Variants in GRIA3 observed in about 807,000 individuals in gnomAD.
The protein encoded by GRIA3 is glutamate ionotropic receptor AMPA type subunit 3.
GRIA3 carries 3 observed loss-of-function variants against 63.0 expected under a neutral mutation model. The observed-to-expected ratio is 0.05, with a 90% CI of 0.02 to 0.12. The LOEUF is 0.12. Among genes scored for constraint, GRIA3 ranks in the 10% least tolerant of loss-of-function variants. The pLI, the probability that GRIA3 is intolerant of heterozygous loss-of-function variation, is 1.00. For synonymous variants in GRIA3, 274 were observed against 257.9 expected, an observed-to-expected ratio of 1.06 and a Z score of -0.60; for missense variants, 347 against 700.9, an observed-to-expected ratio of 0.50 and a Z score of 5.70.
chrX:123,453,054 G>C (rs2045741870), intron 12 of GRIA3, among the ~76,000 whole-genome samples: 1 of 112,053 alleles, frequency 8.9e-6, no homozygotes, highest in Admixed American at 9.4e-5. Context: ...TATACCCAAA[G>C]GATTATAAAT....
intron 12 of GRIA3, among the ~76,000 whole-genome samples, chrX:123,442,123 G>A (rs1193161316): frequency 8.9e-6 from 1 of 112,255 alleles, no homozygotes; most frequent in African/African-American, 3.2e-5. Flanking sequence ...ACACTTTCAC[G>A]AAGGACACTT....
chrX:123,391,730 G>A (rs1461731175), intron 5 of GRIA3, among the ~76,000 whole-genome samples: 1 of 112,094 alleles, frequency 8.9e-6, no homozygotes, highest in Non-Finnish European at 1.9e-5. Flanking sequence ...GGCAATGGTT[G>A]TAGCAGAGGC....
intron 1 of GRIA3, chrX:123,185,012 T>C: frequency 2.9e-6 from 1 of 348,911 alleles, no homozygotes; most frequent in Non-Finnish European, 5.5e-6. Flanking sequence ...TGCGTGCAGC[T>C]CCTGGAAGTT....
At chrX:123,453,250 T>A (rs1371854230) in intron 12 of GRIA3, among the ~76,000 whole-genome samples, 1 of 111,165 alleles carries the variant, frequency 9.0e-6, no homozygotes, top group Non-Finnish European at 1.9e-5. Context: ...AGGGACATGG[T>A]TGAAGCTGGA....
intron 4 of GRIA3, among the ~76,000 whole-genome samples, chrX:123,347,941 T>C (rs896603649): frequency 2.7e-5 from 3 of 111,890 alleles, no homozygotes; most frequent in East Asian, 2.8e-4. Context: ...GTGTGACTCT[T>C]GAGCCAATGA....
At chrX:123,310,617 A>G (rs1481602918) in intron 3 of GRIA3, among the ~76,000 whole-genome samples, 1 of 113,032 alleles carries the variant, frequency 8.8e-6, no homozygotes, top group Non-Finnish European at 1.9e-5. Flanking sequence ...AAGGGAGCAG[A>G]AATCTTTAGA....
chrX:123,296,922 A>G (rs1028995785), intron 3 of GRIA3, among the ~76,000 whole-genome samples: 8 of 111,745 alleles, frequency 7.2e-5, no homozygotes, highest in African/African-American at 2.6e-4. Flanking sequence ...ATTATTTTTT[A>G]TCCCATGAGA....
intron 12 of GRIA3, among the ~76,000 whole-genome samples, chrX:123,435,548 C>T (rs16997377): frequency 0.07 from 7,805 of 111,542 alleles, 658 homozygotes; most frequent in African/African-American, 0.24. Flanking sequence ...TATCATCTCC[C>T]GGTTGATCTA....
intron 10 of GRIA3, 102 bp from the exon 11 acceptor site, chrX:123,417,300 G>A: frequency 1.4e-6 from 1 of 692,463 alleles, no homozygotes; most frequent in Non-Finnish European, 2.3e-6. Context: ...TAAAGATTTA[G>A]GACTTGATAT....
At chrX:123,204,239 A>G (rs1927821905) in intron 2 of GRIA3, among the ~76,000 whole-genome samples, 1 of 112,013 alleles carries the variant, frequency 8.9e-6, no homozygotes, top group African/African-American at 3.2e-5. Flanking sequence ...CCCGCAGATC[A>G]CACTACTTAG....
At chrX:123,253,831 G>A (rs761359400) in intron 3 of GRIA3, 10 of 279,572 alleles carry the variant, frequency 3.6e-5, no homozygotes, top group Non-Finnish European at 6.2e-5. Flanking sequence ...ATTTTATCTG[G>A]TCTAAAATGT....
chrX:123,279,611 G>T (rs2044573929), intron 3 of GRIA3, among the ~76,000 whole-genome samples: 1 of 111,705 alleles, frequency 9.0e-6, no homozygotes, highest in African/African-American at 3.3e-5. Flanking sequence ...AAAACAGCAG[G>T]CAGATGGATG....
At chrX:123,221,855 G>GT (rs1290989757) in intron 2 of GRIA3, among the ~76,000 whole-genome samples, 2 of 111,223 alleles carry the variant, frequency 1.8e-5, no homozygotes, top group Admixed American at 9.5e-5. Context: ...AAAAATCCAT[G>GT]TTTTTTCCAA....
chrX:123,485,890 G>A (rs1054425857), intron 15 of GRIA3, among the ~76,000 whole-genome samples: 1 of 111,149 alleles, frequency 9.0e-6, no homozygotes, highest in African/African-American at 3.3e-5. Flanking sequence ...TGATCCAGCA[G>A]GTCTGGGATG....
Position 123,304,943 on chromosome X carries a change from G to A in GRIA3, c.509-21083G>A, listed in dbSNP as rs6648507. Among the ~76,000 whole-genome samples the A allele has an allele frequency of 0.016, 1,740 of 111,789 alleles. 48 individuals carry two copies. The East Asian group carries it at 0.16, about 10-fold the overall frequency. ...GCAGTCCTATCTTCTTAAGCTTTTCGTTGCCAACTCTCAAAATGTTCAAAA... is the reference window on the plus strand; with the variant it reads ...GCAGTCCTATCTTCTTAAGCTTTTCATTGCCAACTCTCAAAATGTTCAAAA... On this transcript the variant is annotated intron_variant, in intron 3 of 15. Transcript: ENST00000620443.
chrX:123,483,001 G>A lies in GRIA3; in HGVS notation c.2642G>A (p.Arg881Lys). 1 of 1,205,046 alleles carries A rather than the reference G, an allele frequency of 8.3e-7. No homozygotes were observed. The highest frequency in any genetic ancestry group is 1.1e-6 in the Non-Finnish European group (1 of 889,482). Reference protein sequence around the residue: ...ATNTQNYATYREGYNVYGTES... With the variant: ...ATNTQNYATYKEGYNVYGTES... ...AACACTCAGAATTATGCTACATACA[G>A]AGAAGGCTACAACGTGTATGGAACA... The change falls in exon 15 of 16, where the codon AGA (arginine) becomes AAA (lysine). Residue 881 changes from arginine (R) to lysine (K), a missense_variant. Around this residue, in one of 8 missense-constraint regions of GRIA3, gnomAD observed 29 missense variants for 46.7 expected, o/e 0.62. Transcript: ENST00000620443.
chrX:123,281,528 T>C (rs1246115992), intron 3 of GRIA3, among the ~76,000 whole-genome samples: 1 of 112,048 alleles, frequency 8.9e-6, no homozygotes, highest in Non-Finnish European at 1.9e-5. Context: ...ATGAAGTTGG[T>C]ACTGCAGGTG....
intron 14 of GRIA3, 117 bp from the exon 15 acceptor site, chrX:123,482,682 T>A (rs1288060064): frequency 1.2e-6 from 1 of 831,970 alleles, no homozygotes; most frequent in African/African-American, 2.0e-5. Flanking sequence ...TCATAACACT[T>A]ACATCAATGT....
chrX:123,226,002 T>A (rs762974719), intron 2 of GRIA3, among the ~76,000 whole-genome samples: 79 of 111,853 alleles, frequency 7.1e-4, no homozygotes, highest in Middle Eastern at 4.6e-3. Flanking sequence ...GAAATATCCC[T>A]TTAAAAAGCC....
Sources: gnomAD v4.1 joint callset for allele counts (sites outside exome capture counted in the v4.1 genomes callset) on GRCh38, gnomAD v4.1.1 for gene constraint, gnomAD v4.1.1 regional missense constraint, MANE v1.5 for transcripts, NCBI Gene and HGNC (gene_info 2026-07-23, HGNC 2026-07-21) for gene names.